Variants in MEMO1 observed in about 807,000 individuals in gnomAD.
MEMO1 encodes mediator of cell motility 1, also known as protein MEMO1.
Under a neutral mutation model 45.2 loss-of-function variants are expected in MEMO1, and 6 were observed. The observed-to-expected ratio is 0.13, with a 90% CI of 0.07 to 0.26. The LOEUF (loss-of-function observed/expected upper bound fraction) is 0.26, where lower values mean the gene tolerates loss of function less well. MEMO1 is among the 10% of genes least tolerant of loss of function. The pLI is 1.00. For synonymous variants in MEMO1, 78 were observed against 124.3 expected (o/e 0.63, Z 2.48); for missense variants, 184 against 370.5 (o/e 0.50, Z 4.13).
chr2:31,912,982 C>T (rs1273469860), intron 6 of MEMO1, among the ~76,000 whole-genome samples: 1 of 151,974 alleles, frequency 6.6e-6, no homozygotes, highest in Non-Finnish European at 1.5e-5. Flanking sequence ...ATTTTTAAAT[C>T]TATTAAAAAC....
chr2:31,971,949 G>A (rs548522353), intron 2 of MEMO1, among the ~76,000 whole-genome samples: 15 of 151,912 alleles, frequency 9.9e-5, no homozygotes, highest in African/African-American at 2.4e-4. Flanking sequence ...CATCCTGGCC[G>A]TCAGAGCGAG....
chr2:31,923,725 C>T, intron 4 of MEMO1: 1 of 1,539,062 alleles, frequency 6.5e-7, no homozygotes, highest in Non-Finnish European at 8.8e-7. Context: ...TCAGAGCACT[C>T]CTGGAAAATC....
intron 4 of MEMO1, among the ~76,000 whole-genome samples, chr2:31,930,709 G>T (rs956744990): frequency 2.0e-5 from 3 of 151,706 alleles, no homozygotes; most frequent in Non-Finnish European, 2.9e-5. Flanking sequence ...GCGGTGGCGC[G>T]ATCTTGGCTC....
chr2:31,959,158 C>G (rs145282140), intron 2 of MEMO1, among the ~76,000 whole-genome samples: 1 of 152,112 alleles, frequency 6.6e-6, no homozygotes, highest in Non-Finnish European at 1.5e-5. Flanking sequence ...ACAAGGCAAC[C>G]AGCTGAATAT....
chr2:31,997,704 T>C (rs1672770604), intron 2 of MEMO1, among the ~76,000 whole-genome samples: 1 of 152,192 alleles, frequency 6.6e-6, no homozygotes, highest in Non-Finnish European at 1.5e-5. Context: ...AAATGGTAGA[T>C]AAAATGAGAA....
At position 31,933,352 on chromosome 2, in the gene MEMO1, TA is replaced by T. The variant is rs1312798775; in HGVS notation, c.144-1218del. ...AAAAAAAAAAAAAAAAAAAAAAATT[TA>T]TATATATATATATATATATATATAT... On this transcript the variant is annotated intron_variant, in intron 3 of 9. Coordinates refer to ENST00000404530, the MANE Select transcript of MEMO1 (RefSeq NM_001301833.4). 4.7e-3 allele frequency among the ~76,000 whole-genome samples: 58 copies of T among 12,212 alleles called. 3 individuals carry two copies. The highest frequency in any genetic ancestry group is 0.038 in the South Asian group (10 of 260). The allele number at this position is 12,212 out of a possible 152,430, so 8.0% of individuals were successfully genotyped here.
intron 6 of MEMO1, among the ~76,000 whole-genome samples, chr2:31,893,656 C>T (rs1178632434): frequency 2.0e-5 from 3 of 152,054 alleles, no homozygotes; most frequent in Non-Finnish European, 1.5e-5. Context: ...GGTAAGTTCC[C>T]GAATTGTAAA....
chr2:31,873,261 A>G (rs1210141630), intron 8 of MEMO1, among the ~76,000 whole-genome samples: 1 of 152,172 alleles, frequency 6.6e-6, no homozygotes, highest in African/African-American at 2.4e-5. Context: ...CTACCCATTC[A>G]GCGCTAAGAT....
intron 2 of MEMO1, among the ~76,000 whole-genome samples, chr2:31,995,852 A>G (rs1335221004): frequency 3.3e-5 from 5 of 152,160 alleles, no homozygotes; most frequent in East Asian, 1.9e-4. Flanking sequence ...GAAAATGGTA[A>G]TAAGTAAGAA....
chr2:32,009,013 T>C (rs1004655293), intron 2 of MEMO1, among the ~76,000 whole-genome samples: 1 of 152,158 alleles, frequency 6.6e-6, no homozygotes, highest in Non-Finnish European at 1.5e-5. Flanking sequence ...GACAAGCCAA[T>C]ACCAAATGAC....
chr2:31,912,867 C>A (rs1031843677), intron 6 of MEMO1, among the ~76,000 whole-genome samples: 1 of 152,090 alleles, frequency 6.6e-6, no homozygotes, highest in Non-Finnish European at 1.5e-5. Flanking sequence ...TAACCATGCA[C>A]GTATATTTTT....
chr2:31,995,369 G>A (rs556041026), intron 2 of MEMO1, among the ~76,000 whole-genome samples: 6 of 152,126 alleles, frequency 3.9e-5, no homozygotes, highest in South Asian at 4.2e-4. Flanking sequence ...CAGGCACATC[G>A]CTTGAACCTG....
intron 2 of MEMO1, 61 bp downstream of exon 2, chr2:32,010,126 C>T: frequency 1.1e-6 from 1 of 905,724 alleles, no homozygotes; most frequent in South Asian, 4.8e-5. Flanking sequence ...CCGACCTCGG[C>T]CGGCCGGGCG....
chr2:31,917,671 T>C (rs906282212), intron 6 of MEMO1, among the ~76,000 whole-genome samples: 1 of 152,196 alleles, frequency 6.6e-6, no homozygotes, highest in Admixed American at 6.5e-5. Flanking sequence ...GATATATACA[T>C]ACCCACATAC....
chr2:31,961,035 T>C (rs930232272), intron 2 of MEMO1, among the ~76,000 whole-genome samples: 3 of 152,334 alleles, frequency 2.0e-5, no homozygotes, highest in Middle Eastern at 3.4e-3. Context: ...TTTCAGCTAA[T>C]TTAGATATAC....
At chr2:31,905,205 G>C (rs1039000172) in intron 6 of MEMO1, among the ~76,000 whole-genome samples, 3 of 152,116 alleles carry the variant, frequency 2.0e-5, no homozygotes. Context: ...CTGGACTCCA[G>C]CCTGGGTAAC....
At chr2:31,880,699 G>A (rs1675229564) in intron 8 of MEMO1, among the ~76,000 whole-genome samples, 1 of 152,124 alleles carries the variant, frequency 6.6e-6, no homozygotes, top group African/African-American at 2.4e-5. Context: ...GAAAACTAGA[G>A]TATTAAAATA....
At chr2:31,965,665 T>C (rs983316319) in intron 2 of MEMO1, among the ~76,000 whole-genome samples, 1 of 152,194 alleles carries the variant, frequency 6.6e-6, no homozygotes, top group Non-Finnish European at 1.5e-5. Flanking sequence ...ATCATGTCCT[T>C]TGCAGGGACA....
At chr2:31,989,994 TA>T (rs1445004941) in intron 2 of MEMO1, among the ~76,000 whole-genome samples, 1 of 152,140 alleles carries the variant, frequency 6.6e-6, no homozygotes, top group Non-Finnish European at 1.5e-5. Context: ...GGTATACACC[TA>T]TAGTCCCAGC....
Sources: allele counts gnomAD v4.1 joint callset (sites outside exome capture counted in the v4.1 genomes callset), GRCh38; gene constraint gnomAD v4.1.1; transcripts MANE v1.5; gene names NCBI Gene and HGNC (gene_info 2026-07-23, HGNC 2026-07-21).